Variants in SGCZ observed in about 807,000 individuals in gnomAD.
SGCZ encodes the protein sarcoglycan zeta.
In SGCZ, 40 loss-of-function variants were observed where a neutral mutation model predicts 41.3. That is an observed-to-expected ratio of 0.97 (90% CI 0.75 to 1.26). The LOEUF is 1.26. Among genes scored for constraint, SGCZ ranks in the 50% most tolerant of loss-of-function variants. SGCZ has a pLI of 0.00. For synonymous variants in SGCZ, 206 were observed against 137.5 expected, an observed-to-expected ratio of 1.50 and a Z score of -3.49; for missense variants, 552 against 369.8, an observed-to-expected ratio of 1.49 and a Z score of -4.04.
intron 5 of SGCZ, among the ~76,000 whole-genome samples, chr8:14,136,510 G>A (rs1803203526): frequency 6.6e-6 from 1 of 152,164 alleles, no homozygotes. Context: ...CCCACACCTG[G>A]CTCAGTGAGT....
At chr8:14,218,715 G>A (rs1296006636) in intron 4 of SGCZ, among the ~76,000 whole-genome samples, 4 of 152,124 alleles carry the variant, frequency 2.6e-5, no homozygotes, top group Admixed American at 6.5e-5. Flanking sequence ...GCAAACTCCG[G>A]CCATTTTCTT....
At chr8:14,372,951 T>A (rs960075170) in intron 2 of SGCZ, among the ~76,000 whole-genome samples, 1 of 152,154 alleles carries the variant, frequency 6.6e-6, no homozygotes, top group African/African-American at 2.4e-5. Context: ...TGAGCATAGA[T>A]GTGACATTAT....
At chr8:14,883,823 C>CTGT (rs897200641) in intron 1 of SGCZ, among the ~76,000 whole-genome samples, 5 of 110,296 alleles carry the variant, frequency 4.5e-5, no homozygotes, top group African/African-American at 1.8e-4. Flanking sequence ...TTCTATTTTG[C>CTGT]TGTTGTTGTT....
At chr8:15,197,907 T>G (rs1800780249) in intron 1 of SGCZ, among the ~76,000 whole-genome samples, 1 of 151,158 alleles carries the variant, frequency 6.6e-6, no homozygotes, top group Non-Finnish European at 1.5e-5. Flanking sequence ...CACATTCGTG[T>G]ATATATATAG....
chr8:14,107,336 AT>A (rs1388597586), intron 6 of SGCZ, among the ~76,000 whole-genome samples: 1 of 152,100 alleles, frequency 6.6e-6, no homozygotes, highest in Non-Finnish European at 1.5e-5. Flanking sequence ...CCTGGGAAGA[AT>A]TCCCTATAAT....
chr8:15,078,093 T>C (rs1438359115), intron 1 of SGCZ, among the ~76,000 whole-genome samples: 3 of 149,084 alleles, frequency 2.0e-5, no homozygotes, highest in African/African-American at 7.4e-5. Context: ...CTCTGGGTTG[T>C]GTGTGGTGGC....
intron 3 of SGCZ, among the ~76,000 whole-genome samples, chr8:14,254,436 C>G (rs998737575): frequency 6.6e-6 from 1 of 152,102 alleles, no homozygotes; most frequent in Non-Finnish European, 1.5e-5. Flanking sequence ...CTACTGGGGG[C>G]CAGGTGTAGG....
chr8:15,016,973 G>A (rs935581480), intron 1 of SGCZ, among the ~76,000 whole-genome samples: 4 of 152,114 alleles, frequency 2.6e-5, no homozygotes, highest in Non-Finnish European at 5.9e-5. Flanking sequence ...AAGTAGGACA[G>A]CAAGCCATTC....
At chr8:14,150,081 A>C (rs73213559) in intron 5 of SGCZ, among the ~76,000 whole-genome samples, 18,229 of 152,174 alleles carry the variant, frequency 0.12, 1,241 homozygotes, top group Middle Eastern at 0.21. Flanking sequence ...ACTACAAGAA[A>C]ACAACGAGTA....
intron 4 of SGCZ, among the ~76,000 whole-genome samples, chr8:14,199,286 T>C (rs1585223945): frequency 6.6e-6 from 1 of 152,286 alleles, no homozygotes; most frequent in Non-Finnish European, 1.5e-5. Context: ...CTGTCTCCCA[T>C]AGCACTCCCA....
chr8:15,045,561 T>A (rs542733887), intron 1 of SGCZ, among the ~76,000 whole-genome samples: 1 of 152,112 alleles, frequency 6.6e-6, no homozygotes, highest in African/African-American at 2.4e-5. Context: ...AGTGATAAAG[T>A]AGTTCCAAGA....
chr8:14,800,279 A>G (rs968935957), intron 1 of SGCZ, among the ~76,000 whole-genome samples: 1 of 152,206 alleles, frequency 6.6e-6, no homozygotes, highest in Admixed American at 6.5e-5. Flanking sequence ...AAAAATGTCT[A>G]TCACTCTAGT....
intron 1 of SGCZ, among the ~76,000 whole-genome samples, chr8:15,085,936 G>A (rs1433627269): frequency 6.6e-6 from 1 of 152,086 alleles, no homozygotes; most frequent in African/African-American, 2.4e-5. Context: ...GTGGGTTTCT[G>A]ATGTTCCCTT....
At chr8:14,483,889 T>A (rs1248906864) in intron 2 of SGCZ, among the ~76,000 whole-genome samples, 1 of 152,190 alleles carries the variant, frequency 6.6e-6, no homozygotes, top group African/African-American at 2.4e-5. Flanking sequence ...AAAATCAAGT[T>A]TACTCCTTTA....
chr8:14,950,306 G>A (rs1279688232), intron 1 of SGCZ, among the ~76,000 whole-genome samples: 1 of 151,908 alleles, frequency 6.6e-6, no homozygotes, highest in East Asian at 1.9e-4. Flanking sequence ...CATGTATAAT[G>A]TTTTATGTAT....
intron 3 of SGCZ, among the ~76,000 whole-genome samples, chr8:14,313,932 G>C (rs1267671317): frequency 6.6e-6 from 1 of 151,410 alleles, no homozygotes; most frequent in South Asian, 2.1e-4. Context: ...GTGTGTGTGT[G>C]TGTGTGTGTG....
chr8:14,363,489 C>T (rs897584060), intron 2 of SGCZ, among the ~76,000 whole-genome samples: 4 of 152,116 alleles, frequency 2.6e-5, no homozygotes, highest in Admixed American at 2.6e-4. Context: ...GAGGTGAGAA[C>T]AGAAGGGTAT....
At chr8:15,079,784 T>C (rs1417003367) in intron 1 of SGCZ, among the ~76,000 whole-genome samples, 1 of 152,086 alleles carries the variant, frequency 6.6e-6, no homozygotes, top group Non-Finnish European at 1.5e-5. Context: ...ATTAAATAGG[T>C]ATATTGTGTG....
intron 2 of SGCZ, among the ~76,000 whole-genome samples, chr8:14,433,860 C>T (rs1585506608): frequency 6.6e-6 from 1 of 152,142 alleles, no homozygotes; most frequent in Non-Finnish European, 1.5e-5. Flanking sequence ...CTTCAGGCAA[C>T]AACTGTTTGA....
Sources: gnomAD v4.1 joint callset for allele counts (sites outside exome capture counted in the v4.1 genomes callset) on GRCh38, gnomAD v4.1.1 for gene constraint, MANE v1.5 for transcripts, NCBI Gene and HGNC (gene_info 2026-07-23, HGNC 2026-07-21) for gene names.